Variants in FHIT observed in about 807,000 individuals in gnomAD.
FHIT encodes fragile histidine triad diadenosine triphosphatase, also known as bis(5'-adenosyl)-triphosphatase.
FHIT carries 19 observed loss-of-function variants against 17.9 expected under a neutral mutation model. That is an observed-to-expected ratio of 1.06 (90% CI 0.74 to 1.56). The LOEUF (loss-of-function observed/expected upper bound fraction) is 1.56, where lower values mean the gene tolerates loss of function less well. Ranked by LOEUF, FHIT falls within the 40% of genes most tolerant of loss-of-function variation. FHIT has a pLI of 0.00. For missense variants in FHIT, 248 were observed against 189.2 expected (o/e 1.31, Z -1.82); for synonymous variants, 81 against 69.7 (o/e 1.16, Z -0.81).
chr3:60,249,308 T>C (rs1705567202), intron 5 of FHIT, among the ~76,000 whole-genome samples: 1 of 152,112 alleles, frequency 6.6e-6, no homozygotes, highest in African/African-American at 2.4e-5. Context: ...GAAGACAAAA[T>C]TCTGTTCTCA....
At chr3:60,259,348 G>C (rs1045411497) in intron 5 of FHIT, among the ~76,000 whole-genome samples, 1 of 152,126 alleles carries the variant, frequency 6.6e-6, no homozygotes, top group Non-Finnish European at 1.5e-5. Flanking sequence ...TATACAATCT[G>C]TTCAGGGGAA....
chr3:60,378,269 C>T (rs1467399302), intron 5 of FHIT, among the ~76,000 whole-genome samples: 3 of 152,098 alleles, frequency 2.0e-5, no homozygotes, highest in Admixed American at 6.5e-5. Flanking sequence ...GTGATCCGCC[C>T]GCCTCAGCCT....
chr3:60,332,821 G>A (rs1183624146), intron 5 of FHIT, among the ~76,000 whole-genome samples: 3 of 152,150 alleles, frequency 2.0e-5, no homozygotes, highest in Non-Finnish European at 4.4e-5. Flanking sequence ...CAGAAATCAA[G>A]TTAGGGACAT....
intron 5 of FHIT, among the ~76,000 whole-genome samples, chr3:60,408,139 A>G (rs1334067596): frequency 6.6e-6 from 1 of 152,212 alleles, no homozygotes; most frequent in Non-Finnish European, 1.5e-5. Flanking sequence ...ACACAGGCAC[A>G]TTAATTCTAT....
chr3:61,236,163 ACAT>A (rs1425074955), intron 1 of FHIT, among the ~76,000 whole-genome samples: 1 of 148,240 alleles, frequency 6.7e-6, no homozygotes, highest in East Asian at 1.9e-4. Context: ...ATGTATTATA[ACAT>A]ATACTATAAT....
intron 5 of FHIT, among the ~76,000 whole-genome samples, chr3:60,385,087 C>T (rs1463741242): frequency 6.6e-6 from 1 of 152,176 alleles, no homozygotes; most frequent in African/African-American, 2.4e-5. Context: ...AAAATGCATA[C>T]AATATAGCAT....
chr3:61,057,116 G>A (rs12107512), intron 2 of FHIT, among the ~76,000 whole-genome samples: 22,576 of 152,100 alleles, frequency 0.15, 2,294 homozygotes, highest in African/African-American at 0.29. Flanking sequence ...CAGACATCCC[G>A]TATTGATGTT....
intron 4 of FHIT, among the ~76,000 whole-genome samples, chr3:60,679,642 T>A (rs782518953): frequency 6.6e-6 from 1 of 152,232 alleles, no homozygotes; most frequent in African/African-American, 2.4e-5. Flanking sequence ...AATTATTCTA[T>A]AAATACTATA....
At chr3:59,865,570 T>C (rs1161422084) in intron 8 of FHIT, among the ~76,000 whole-genome samples, 1 of 152,228 alleles carries the variant, frequency 6.6e-6, no homozygotes, top group Non-Finnish European at 1.5e-5. Flanking sequence ...CCAAATGGGA[T>C]TCTAGGTCAG....
intron 3 of FHIT, among the ~76,000 whole-genome samples, chr3:60,947,268 G>A (rs1474155143): frequency 6.6e-6 from 1 of 151,908 alleles, no homozygotes; most frequent in Non-Finnish European, 1.5e-5. Flanking sequence ...TGTTGTGGAA[G>A]ACCCTTAAAA....
At chr3:60,967,553 G>C (rs1414420917) in intron 3 of FHIT, among the ~76,000 whole-genome samples, 5 of 152,182 alleles carry the variant, frequency 3.3e-5, no homozygotes, top group African/African-American at 1.2e-4. Flanking sequence ...AGTGTCAATG[G>C]TTACTGCTGA....
chr3:59,793,688 G>A (rs528208945), intron 8 of FHIT, among the ~76,000 whole-genome samples: 1 of 152,172 alleles, frequency 6.6e-6, no homozygotes, highest in Non-Finnish European at 1.5e-5. Flanking sequence ...TCAAGTGAGG[G>A]GACAGGACTT....
chr3:60,653,965 G>A (rs1300859697), intron 4 of FHIT, among the ~76,000 whole-genome samples: 1 of 152,206 alleles, frequency 6.6e-6, no homozygotes, highest in South Asian at 2.1e-4. Flanking sequence ...CATGGGGACA[G>A]ATCCCTCATA....
rs184029619 is a variant in FHIT at position 60,943,660 on chromosome 3, C to T, written c.-111+98387G>A. Among the ~76,000 whole-genome samples the T allele has an allele frequency of 2.1e-3, 315 of 152,240 alleles. 1 individual carries two copies. The highest frequency in any genetic ancestry group is 7.3e-3 in the African/African-American group (303 of 41,544). ...ATTTCAACTAATTAATCTACAGCTTCCTAAAAGTCAGTAATTATGGCCTCT... is the reference window on the plus strand; with the variant it reads ...ATTTCAACTAATTAATCTACAGCTTTCTAAAAGTCAGTAATTATGGCCTCT... On this transcript the variant is annotated intron_variant, in intron 3 of 9. Coordinates refer to ENST00000492590, the MANE Select transcript of FHIT (RefSeq NM_002012.4).
At chr3:61,125,704 T>A (rs1341341470) in intron 2 of FHIT, among the ~76,000 whole-genome samples, 2 of 152,218 alleles carry the variant, frequency 1.3e-5, no homozygotes, top group Non-Finnish European at 2.9e-5. Flanking sequence ...TAAAACTATG[T>A]GCTCAAGTGT....
rs980351112 is a variant in FHIT at position 59,774,491 on chromosome 3, G to A, written c.349-22170C>T. 2.6e-5 allele frequency among the ~76,000 whole-genome samples: 4 copies of A among 152,174 alleles called. No homozygotes were observed. In the East Asian group the frequency reaches 5.8e-4, roughly 22 times the overall value. On this transcript the variant is annotated intron_variant, in intron 8 of 9. Coordinates refer to ENST00000492590, the MANE Select transcript of FHIT (RefSeq NM_002012.4). ...GTGTTTGTATCTGAAAACAGAAGAT[G>A]AGCATACATACCTAACAGAGTTGTT...
chr3:61,250,610 T>G (rs557016770), intron 1 of FHIT, among the ~76,000 whole-genome samples: 105 of 152,268 alleles, frequency 6.9e-4, no homozygotes, highest in African/African-American at 2.4e-3. Context: ...CAGAGAAATC[T>G]GCAGATGCAT....
At chr3:60,516,869 G>A (rs567462342) in intron 5 of FHIT, among the ~76,000 whole-genome samples, 28 of 152,244 alleles carry the variant, frequency 1.8e-4, no homozygotes, top group African/African-American at 6.7e-4. Flanking sequence ...TTATAATAGG[G>A]ATAATTATAA....
At chr3:60,312,847 A>C (rs2106766948) in intron 5 of FHIT, among the ~76,000 whole-genome samples, 1 of 152,346 alleles carries the variant, frequency 6.6e-6, no homozygotes, top group Middle Eastern at 3.4e-3. Flanking sequence ...ATGTTTAAAA[A>C]TAACAAAACA....
Sources: gnomAD v4.1 joint callset for allele counts (sites outside exome capture counted in the v4.1 genomes callset) on GRCh38, gnomAD v4.1.1 for gene constraint, MANE v1.5 for transcripts, NCBI Gene and HGNC (gene_info 2026-07-23, HGNC 2026-07-21) for gene names.